Variants in NCOA1 observed in about 807,000 individuals in gnomAD.
NCOA1 encodes Hin-2 protein.
In NCOA1, 35 loss-of-function variants were observed where a neutral mutation model predicts 150.9. The observed-to-expected ratio is 0.23, with a 90% CI of 0.18 to 0.31. NCOA1 has a LOEUF of 0.31. NCOA1 is among the 10% of genes least tolerant of loss of function. The probability of loss-of-function intolerance (pLI) is 1.00; values close to 1 mark genes in which losing one functional copy is unlikely to be tolerated. For synonymous variants in NCOA1, 590 were observed against 630.0 expected (o/e 0.94, Z 0.95); for missense variants, 1,491 against 1,749.3 (o/e 0.85, Z 2.63).
intron 3 of NCOA1, among the ~76,000 whole-genome samples, chr2:24,643,407 T>G (rs1222261177): frequency 6.6e-6 from 1 of 152,196 alleles, no homozygotes; most frequent in Non-Finnish European, 1.5e-5. Context: ...CAAACAGTTG[T>G]TTTTTATATT....
At chr2:24,683,990 A>G (rs910165495) in intron 8 of NCOA1, among the ~76,000 whole-genome samples, 1 of 152,202 alleles carries the variant, frequency 6.6e-6, no homozygotes, top group Non-Finnish European at 1.5e-5. Context: ...AGATAAATTT[A>G]CCACACATCA....
intron 12 of NCOA1, among the ~76,000 whole-genome samples, chr2:24,705,782 G>A (rs1330611273): frequency 6.6e-6 from 1 of 152,056 alleles, no homozygotes; most frequent in African/African-American, 2.4e-5. Flanking sequence ...ATTTACAGTG[G>A]TGAAAATGTA....
chr2:24,567,032 A>G (rs1666542455), intron 2 of NCOA1, among the ~76,000 whole-genome samples: 2 of 152,230 alleles, frequency 1.3e-5, no homozygotes, highest in South Asian at 4.1e-4. Context: ...AGTGGAGCAC[A>G]CAGCCCTTCC....
intron 2 of NCOA1, among the ~76,000 whole-genome samples, chr2:24,574,577 T>C (rs1666873638): frequency 6.6e-6 from 1 of 152,150 alleles, no homozygotes. Context: ...AGATATTGTT[T>C]ATATTTATTA....
intron 14 of NCOA1, among the ~76,000 whole-genome samples, chr2:24,712,977 C>G (rs1296198928): frequency 6.6e-6 from 1 of 152,038 alleles, no homozygotes; most frequent in Admixed American, 6.5e-5. Context: ...CGCCTGTAAT[C>G]GTGCACTTTG....
intron 22 of NCOA1, among the ~76,000 whole-genome samples, chr2:24,766,151 C>T (rs896879896): frequency 1.3e-5 from 2 of 152,174 alleles, no homozygotes; most frequent in Non-Finnish European, 2.9e-5. Context: ...CCTCCTGCCT[C>T]AGCCTCCCAA....
intron 11 of NCOA1, among the ~76,000 whole-genome samples, chr2:24,704,793 C>T (rs932831061): frequency 6.6e-6 from 1 of 151,552 alleles, no homozygotes; most frequent in Non-Finnish European, 1.5e-5. Flanking sequence ...AAAAAAAAGA[C>T]TAAAGTTGAT....
intron 7 of NCOA1, among the ~76,000 whole-genome samples, chr2:24,676,961 T>C (rs1036957469): frequency 2.6e-5 from 4 of 152,152 alleles, no homozygotes; most frequent in African/African-American, 9.7e-5. Context: ...CTGAGAAATA[T>C]GTGATTATGT....
chr2:24,671,902 T>C (rs1558891611), intron 6 of NCOA1, among the ~76,000 whole-genome samples: 1 of 152,180 alleles, frequency 6.6e-6, no homozygotes, highest in Non-Finnish European at 1.5e-5. Flanking sequence ...CCTATTAAAA[T>C]ACTTACTACA....
chr2:24,714,245 A>G (rs1673907148), intron 14 of NCOA1, among the ~76,000 whole-genome samples: 1 of 152,220 alleles, frequency 6.6e-6, no homozygotes, highest in Non-Finnish European at 1.5e-5. Context: ...ACACTATTCA[A>G]TAGTTTTTAA....
chr2:24,627,121 GTTT>G (rs33949925), intron 3 of NCOA1, among the ~76,000 whole-genome samples: 13,602 of 115,068 alleles, frequency 0.12, 792 homozygotes, highest in East Asian at 0.23. Flanking sequence ...GTTTTTTGCT[GTTT>G]TTTTTTTTTT....
intron 1 of NCOA1, among the ~76,000 whole-genome samples, chr2:24,520,917 T>TCTTTAGCCAAACTACCAA (rs6146684): frequency 6.6e-6 from 1 of 151,856 alleles, no homozygotes; most frequent in Non-Finnish European, 1.5e-5. Flanking sequence ...CCTTGCTCAT[T>TCTTTAGCCAAACTACCAA]CTTTGCTGTT....
intron 1 of NCOA1, among the ~76,000 whole-genome samples, chr2:24,501,475 A>T (rs980310541): frequency 6.6e-6 from 1 of 152,224 alleles, no homozygotes; most frequent in Non-Finnish European, 1.5e-5. Flanking sequence ...TTGTGTCATC[A>T]ATAAGAAAAG....
At chr2:24,739,648 G>A in intron 18 of NCOA1, 115 bp downstream of exon 18, 2 of 675,874 alleles carry the variant, frequency 3.0e-6, no homozygotes, top group South Asian at 2.3e-5. Context: ...AATGATGTTT[G>A]TAGTGTAGTT....
intron 10 of NCOA1, among the ~76,000 whole-genome samples, chr2:24,696,898 T>C (rs924201426): frequency 7.2e-5 from 11 of 151,808 alleles, no homozygotes; most frequent in Non-Finnish European, 7.4e-5. Context: ...ATTCTATATA[T>C]ATCTTGTATT....
intron 14 of NCOA1, among the ~76,000 whole-genome samples, chr2:24,712,490 T>C (rs1673793116): frequency 6.6e-6 from 1 of 152,076 alleles, no homozygotes; most frequent in Non-Finnish European, 1.5e-5. Context: ...CAATGAAGGC[T>C]CCCAGAAGAG....
chr2:24,582,626 A>G (rs1186897642), intron 2 of NCOA1, among the ~76,000 whole-genome samples: 9 of 152,146 alleles, frequency 5.9e-5, no homozygotes, highest in Non-Finnish European at 1.3e-4. Flanking sequence ...GTATGAAACC[A>G]CAGACGACCC....
At chr2:24,626,050 G>C (rs544789042) in intron 3 of NCOA1, among the ~76,000 whole-genome samples, 1 of 152,258 alleles carries the variant, frequency 6.6e-6, no homozygotes, top group Admixed American at 6.5e-5. Context: ...TGTCTTTATT[G>C]ATTTTTGTTT....
intron 3 of NCOA1, among the ~76,000 whole-genome samples, chr2:24,598,910 A>T (rs993842046): frequency 1.3e-5 from 2 of 152,158 alleles, no homozygotes; most frequent in African/African-American, 2.4e-5. Context: ...TAAAAAAAAA[A>T]TTTCTTAAAG....
Sources: gnomAD v4.1 joint callset for allele counts (sites outside exome capture counted in the v4.1 genomes callset) on GRCh38, gnomAD v4.1.1 for gene constraint, MANE v1.5 for transcripts, NCBI Gene and HGNC (gene_info 2026-07-23, HGNC 2026-07-21) for gene names.